Variants in RGS7 observed in about 807,000 individuals in gnomAD.
RGS7 encodes regulator of G protein signaling 7.
Under a neutral mutation model 81.1 loss-of-function variants are expected in RGS7, and 27 were observed. The ratio of observed to expected loss-of-function variants is 0.33; its 90% CI spans 0.25 to 0.46. The LOEUF (loss-of-function observed/expected upper bound fraction) is 0.46. Ranked by LOEUF, RGS7 falls within the 20% of genes least tolerant of loss-of-function variation. The pLI, the probability that RGS7 is intolerant of heterozygous loss-of-function variation, is 1.00. For synonymous variants in RGS7, 208 were observed against 207.7 expected (o/e 1.00, Z -0.01); for missense variants, 396 against 607.4 (o/e 0.65, Z 3.66).
At chr1:240,883,681 C>T (rs184099203) in intron 6 of RGS7, among the ~76,000 whole-genome samples, 8 of 152,304 alleles carry the variant, frequency 5.3e-5, no homozygotes, top group African/African-American at 1.7e-4. Flanking sequence ...AGACAATGCT[C>T]GGCCTCCTGT....
chr1:241,285,734 C>T (rs143721055), intron 2 of RGS7, among the ~76,000 whole-genome samples: 233 of 152,256 alleles, frequency 1.5e-3, no homozygotes, highest in Non-Finnish European at 2.9e-3. Flanking sequence ...ATGTTCACAA[C>T]GAAGCTCCTC....
rs193228976 is a variant in RGS7 at position 241,168,793 on chromosome 1, C to T, written c.79-70031G>A. Reference sequence around the variant, plus strand: ...CATAGAGAGAGCGAGAGAGAGAGAACTAGGCCAAGAGCCCAATGAGCAGAG... The same window carrying T: ...CATAGAGAGAGCGAGAGAGAGAGAATTAGGCCAAGAGCCCAATGAGCAGAG... On this transcript the variant is annotated intron_variant, in intron 2 of 18. Transcript: ENST00000440928. Among the ~76,000 whole-genome samples the T allele has an allele frequency of 2.0e-5, 3 of 152,122 alleles. 1 individual carries two copies. Among genetic ancestry groups the T allele is most frequent in the Non-Finnish European group, 4.4e-5 (3 of 68,006 alleles).
At position 241,089,030 on chromosome 1, in the gene RGS7, T is replaced by TCTCTCTCTCTCTCTCTCTCC. The variant is rs2063672675; in HGVS notation, c.175+9635_175+9636insGGAGAGAGAGAGAGAGAGAG. ...CACAGAGCAAGACTCCATCTCTCTCTCTCTCTCTCTCTCTCTCTCTCTCTC... is the reference window on the plus strand; with the variant it reads ...CACAGAGCAAGACTCCATCTCTCTCTCTCTCTCTCTCTCTCTCTCCCTCTCTCTCTCTCTCTCTCTCTCTC... On this transcript the variant is annotated intron_variant, in intron 3 of 18. Coordinates refer to ENST00000440928, the MANE Select transcript of RGS7 (RefSeq NM_001364886.1). 5.1e-5 allele frequency among the ~76,000 whole-genome samples: 2 copies of TCTCTCTCTCTCTCTCTCTCC among 39,480 alleles called. 1 individual carries two copies. Among genetic ancestry groups the TCTCTCTCTCTCTCTCTCTCC allele is most frequent in the African/African-American group, 2.8e-4 (2 of 7,202 alleles). 25.9% of individuals were successfully genotyped at this position (39,480 alleles called of 152,430 possible). A position where few individuals can be genotyped will look rare whatever the true frequency, so the allele number is the denominator to read the frequency against.
At chr1:241,088,935 T>C (rs1313235050) in intron 3 of RGS7, among the ~76,000 whole-genome samples, 7 of 149,598 alleles carry the variant, frequency 4.7e-5, no homozygotes, top group Non-Finnish European at 3.0e-5. Flanking sequence ...CGCTTGAACC[T>C]GGCAGGCGGA....
chr1:240,948,520 T>C (rs1679025642), intron 4 of RGS7, among the ~76,000 whole-genome samples: 1 of 152,130 alleles, frequency 6.6e-6, no homozygotes. Flanking sequence ...CTGGGCTCAT[T>C]GCAACCACCC....
At chr1:241,155,184 C>T (rs1338188611) in intron 2 of RGS7, among the ~76,000 whole-genome samples, 9 of 152,134 alleles carry the variant, frequency 5.9e-5, no homozygotes, top group Non-Finnish European at 1.3e-4. Flanking sequence ...CAGTGGCAAC[C>T]TCTGCCTCCC....
At chr1:241,306,522 A>G (rs1480717227) in intron 2 of RGS7, among the ~76,000 whole-genome samples, 1 of 151,674 alleles carries the variant, frequency 6.6e-6, no homozygotes, top group Non-Finnish European at 1.5e-5. Flanking sequence ...ATGGCCATGT[A>G]CACACGTCCA....
intron 2 of RGS7, among the ~76,000 whole-genome samples, chr1:241,242,173 C>G (rs1317855092): frequency 6.6e-6 from 1 of 152,064 alleles, no homozygotes; most frequent in African/African-American, 2.4e-5. Flanking sequence ...TATAGCTTAG[C>G]TCCCACTTAT....
intron 1 of RGS7, 72 bp from the exon 2 acceptor site, chr1:241,355,898 ACCCAC>A: frequency 1.2e-6 from 1 of 809,720 alleles, no homozygotes; most frequent in Non-Finnish European, 2.2e-6. Flanking sequence ...CATTCACAGC[ACCCAC>A]CCCACATGGC....
chr1:241,240,385 C>T (rs1428639203), intron 2 of RGS7, among the ~76,000 whole-genome samples: 1 of 152,088 alleles, frequency 6.6e-6, no homozygotes, highest in African/African-American at 2.4e-5. Context: ...CAGCACTGGA[C>T]GTCAGCAGTA....
At chr1:241,329,181 G>A (rs2081806663) in intron 2 of RGS7, among the ~76,000 whole-genome samples, 2 of 152,168 alleles carry the variant, frequency 1.3e-5, no homozygotes, top group Non-Finnish European at 2.9e-5. Flanking sequence ...ACTGTTTTCA[G>A]GGGTTGACTG....
chr1:241,037,847 T>C (rs865950181), intron 3 of RGS7, among the ~76,000 whole-genome samples: 35 of 152,312 alleles, frequency 2.3e-4, no homozygotes, highest in Admixed American at 3.9e-4. Flanking sequence ...GCCATTATTT[T>C]AAGTGAAGTA....
At position 241,027,036 on chromosome 1, in the gene RGS7, T is replaced by TAA. The variant is rs35885080; in HGVS notation, c.176-43909_176-43908dup. Among the ~76,000 whole-genome samples the TAA allele has an allele frequency of 1.3e-3, 178 of 137,580 alleles. 1 individual carries two copies. Among genetic ancestry groups the TAA allele is most frequent in the Middle Eastern group, 0.011 (3 of 274 alleles). 90.3% of individuals were successfully genotyped at this position (137,580 alleles called of 152,430 possible). A position where few individuals can be genotyped will look rare whatever the true frequency, so the allele number is the denominator to read the frequency against. On this transcript the variant is annotated intron_variant, in intron 3 of 18. Coordinates refer to ENST00000440928, the MANE Select transcript of RGS7 (RefSeq NM_001364886.1). The stretch of plus-strand genomic sequence containing the variant: ...AAAAGACCCCATCTCTACCAGAAAT[T>TAA]AAAAAAAAAAAAAAAAATTAGCCAG...
At chr1:241,056,119 T>C (rs115275709) in intron 3 of RGS7, among the ~76,000 whole-genome samples, 124 of 152,338 alleles carry the variant, frequency 8.1e-4, no homozygotes, top group African/African-American at 2.9e-3. Context: ...CCTTGTTCAC[T>C]GTGCTACAAC....
chr1:241,006,333 G>C (rs2058687729), intron 3 of RGS7, among the ~76,000 whole-genome samples: 1 of 152,124 alleles, frequency 6.6e-6, no homozygotes, highest in Non-Finnish European at 1.5e-5. Context: ...AAAGGTTTCT[G>C]TTTTCCTGTC....
chr1:240,994,154 T>C (rs1174592572), intron 3 of RGS7, among the ~76,000 whole-genome samples: 1 of 152,248 alleles, frequency 6.6e-6, no homozygotes, highest in African/African-American at 2.4e-5. Flanking sequence ...AAAATTGTTT[T>C]ACCTGTTCTA....
chr1:241,321,237 A>AG (rs1235957688), intron 2 of RGS7, among the ~76,000 whole-genome samples: 1 of 152,232 alleles, frequency 6.6e-6, no homozygotes, highest in Non-Finnish European at 1.5e-5. Context: ...GTTGTGGACT[A>AG]ACAAAGTCAC....
chr1:241,152,582 A>G (rs559654823), intron 2 of RGS7, among the ~76,000 whole-genome samples: 1 of 152,316 alleles, frequency 6.6e-6, no homozygotes, highest in African/African-American at 2.4e-5. Context: ...ATATTTAGTC[A>G]TGCTCCTCGT....
chr1:241,183,760 T>A (rs764229162), intron 2 of RGS7, among the ~76,000 whole-genome samples: 4 of 152,146 alleles, frequency 2.6e-5, no homozygotes, highest in African/African-American at 9.7e-5. Flanking sequence ...AGTAAAACAG[T>A]GGAATGCACT....
Sources: gnomAD v4.1 joint callset for allele counts (sites outside exome capture counted in the v4.1 genomes callset) on GRCh38, gnomAD v4.1.1 for gene constraint, MANE v1.5 for transcripts, NCBI Gene and HGNC (gene_info 2026-07-23, HGNC 2026-07-21) for gene names.